FSTL5: variants seen among roughly 807,000 people sequenced by gnomAD.
FSTL5 encodes follistatin-related protein 5.
Under a neutral mutation model 89.1 loss-of-function variants are expected in FSTL5, and 62 were observed. The ratio of observed to expected loss-of-function variants is 0.70; its 90% CI spans 0.57 to 0.86. The LOEUF (loss-of-function observed/expected upper bound fraction) is 0.86. Ranked by LOEUF, FSTL5 falls within the 40% of genes least tolerant of loss-of-function variation. The pLI, the probability that FSTL5 is intolerant of heterozygous loss-of-function variation, is 0.00. For missense variants in FSTL5, 1,057 were observed against 1,001.6 expected, an observed-to-expected ratio of 1.06 and a Z score of -0.75; for synonymous variants, 383 against 346.2, an observed-to-expected ratio of 1.11 and a Z score of -1.18.
chr4:161,674,655 C>T (rs182392075), intron 6 of FSTL5, among the ~76,000 whole-genome samples: 28 of 152,270 alleles, frequency 1.8e-4, no homozygotes, highest in Admixed American at 7.9e-4. Flanking sequence ...GTCTCCCTCA[C>T]GGGCTTGTTT....
intron 3 of FSTL5, among the ~76,000 whole-genome samples, chr4:161,974,620 T>G (rs1735579924): frequency 8.1e-6 from 1 of 123,630 alleles, no homozygotes; most frequent in East Asian, 2.2e-4. Flanking sequence ...ATTAAAGATT[T>G]AAACGTTAGA....
chr4:161,979,619 C>T (rs1365099449), intron 3 of FSTL5, among the ~76,000 whole-genome samples: 1 of 151,814 alleles, frequency 6.6e-6, no homozygotes, highest in East Asian at 1.9e-4. Flanking sequence ...ACTATATTTC[C>T]ATCATTATTC....
At chr4:162,071,636 C>G (rs1420298073) in intron 2 of FSTL5, among the ~76,000 whole-genome samples, 2 of 151,624 alleles carry the variant, frequency 1.3e-5, no homozygotes, top group Non-Finnish European at 1.5e-5. Context: ...TACTATAGAC[C>G]ATACAGACCT....
chr4:161,688,236 C>T (rs575762003), intron 6 of FSTL5, among the ~76,000 whole-genome samples: 86 of 152,238 alleles, frequency 5.6e-4, no homozygotes, highest in African/African-American at 1.9e-3. Context: ...GTGAGCGCCT[C>T]CACACCCAGC....
At chr4:162,097,981 A>G (rs1002822442) in intron 2 of FSTL5, among the ~76,000 whole-genome samples, 15 of 151,888 alleles carry the variant, frequency 9.9e-5, no homozygotes, top group African/African-American at 3.6e-4. Context: ...AACTGAAATA[A>G]TCACAAAAAT....
chr4:161,567,263 A>G (rs1450227213), intron 8 of FSTL5, among the ~76,000 whole-genome samples: 1 of 152,158 alleles, frequency 6.6e-6, no homozygotes, highest in African/African-American at 2.4e-5. Context: ...AGATTAGATA[A>G]ATTCATTAAT....
chr4:161,556,862 A>ATATATATATATAT (rs1182255819), intron 8 of FSTL5, among the ~76,000 whole-genome samples: 3 of 149,882 alleles, frequency 2.0e-5, no homozygotes, highest in Non-Finnish European at 3.0e-5. Flanking sequence ...ATATATATAT[A>ATATATATATATAT]ATCCTGGATT....
intron 15 of FSTL5, among the ~76,000 whole-genome samples, chr4:161,427,100 A>C (rs1222428108): frequency 6.6e-6 from 1 of 152,234 alleles, no homozygotes; most frequent in Non-Finnish European, 1.5e-5. Flanking sequence ...CTAATGTTTC[A>C]TAATAGAAGG....
intron 8 of FSTL5, among the ~76,000 whole-genome samples, chr4:161,569,805 C>T (rs1046400032): frequency 6.6e-6 from 1 of 150,800 alleles, no homozygotes; most frequent in African/African-American, 2.4e-5. Context: ...ACACACCCCA[C>T]ATTGTGGCTC....
chr4:161,994,608 C>T (rs937659668), intron 3 of FSTL5, among the ~76,000 whole-genome samples: 8 of 152,118 alleles, frequency 5.3e-5, no homozygotes, highest in East Asian at 3.9e-4. Flanking sequence ...ACTGCGGTTT[C>T]GTTTGCATTT....
At chr4:161,975,272 T>C (rs1036656699) in intron 3 of FSTL5, among the ~76,000 whole-genome samples, 1 of 149,664 alleles carries the variant, frequency 6.7e-6, no homozygotes. Flanking sequence ...CAAAGGACTA[T>C]AAATCATGCT....
chr4:162,141,142 A>T (rs1230467103), intron 1 of FSTL5, among the ~76,000 whole-genome samples: 1 of 44,586 alleles, frequency 2.2e-5, no homozygotes, highest in Non-Finnish European at 4.2e-5. Flanking sequence ...TTTGAGACGG[A>T]GTTTCGCTCT....
At chr4:161,959,453 G>A (rs1029466023) in intron 3 of FSTL5, among the ~76,000 whole-genome samples, 1 of 152,000 alleles carries the variant, frequency 6.6e-6, no homozygotes, top group Admixed American at 6.6e-5. Flanking sequence ...TAGGTAAATA[G>A]TTTCTAATGA....
chr4:161,505,705 C>T (rs1392004939), intron 11 of FSTL5, among the ~76,000 whole-genome samples: 4 of 152,100 alleles, frequency 2.6e-5, no homozygotes, highest in Non-Finnish European at 4.4e-5. Flanking sequence ...GTGTATCACA[C>T]ATGCATATAT....
At chr4:161,538,546 C>A (rs1351998321) in intron 9 of FSTL5, among the ~76,000 whole-genome samples, 2 of 152,118 alleles carry the variant, frequency 1.3e-5, no homozygotes, top group South Asian at 4.2e-4. Flanking sequence ...GTATCATTTT[C>A]TATATTCTAC....
chr4:161,929,685 G>GTGTGTGTGTGTGTATA (rs1553983476), intron 3 of FSTL5, among the ~76,000 whole-genome samples: 13 of 149,206 alleles, frequency 8.7e-5, no homozygotes, highest in South Asian at 6.3e-4. Flanking sequence ...GTGTGTGTGT[G>GTGTGTGTGTGTGTATA]TGTGTGTGTG....
At chr4:161,610,580 T>C (rs1734598673) in intron 7 of FSTL5, among the ~76,000 whole-genome samples, 1 of 152,126 alleles carries the variant, frequency 6.6e-6, no homozygotes, top group South Asian at 2.1e-4. Context: ...AAGACTGAGC[T>C]GAACAAGAAA....
intron 4 of FSTL5, among the ~76,000 whole-genome samples, chr4:161,887,411 C>CTATCTATT (rs1474615006): frequency 1.0e-5 from 1 of 97,668 alleles, no homozygotes; most frequent in African/African-American, 3.4e-5. Context: ...ATCTATCTAT[C>CTATCTATT]TATCTATCTA....
At chr4:161,700,195 G>C (rs915922254) in intron 6 of FSTL5, among the ~76,000 whole-genome samples, 1 of 152,072 alleles carries the variant, frequency 6.6e-6, no homozygotes, top group South Asian at 2.1e-4. Context: ...TGACAAGGTG[G>C]TCTATACTTA....
Sources: gnomAD v4.1 joint callset for allele counts (sites outside exome capture counted in the v4.1 genomes callset) on GRCh38, gnomAD v4.1.1 for gene constraint, MANE v1.5 for transcripts, NCBI Gene and HGNC (gene_info 2026-07-23, HGNC 2026-07-21) for gene names.